KLF8: variants seen among roughly 807,000 people sequenced by gnomAD.
KLF8 encodes Krueppel-like factor 8.
Under a neutral mutation model 18.2 loss-of-function variants are expected in KLF8, and 10 were observed. The observed-to-expected ratio is 0.55, with a 90% confidence interval of 0.34 to 0.93. The LOEUF (loss-of-function observed/expected upper bound fraction) is 0.93, where lower values mean the gene tolerates loss of function less well. KLF8 is among the 40% of genes least tolerant of loss of function. The pLI is 0.02. For missense variants in KLF8, 264 were observed against 277.9 expected (o/e 0.95, Z 0.36); for synonymous variants, 109 against 97.3 (o/e 1.12, Z -0.71).
chrX:56,085,040 G>T, the KLF8 span, among the ~76,000 whole-genome samples: 16 of 111,687 alleles, frequency 1.4e-4, no homozygotes, highest in Non-Finnish European at 2.6e-4. Context: ...CCTTTATAAG[G>T]TTTTGAAATG....
the KLF8 span, among the ~76,000 whole-genome samples, chrX:56,065,346 GT>G: frequency 2.9e-4 from 32 of 110,665 alleles, no homozygotes; most frequent in Non-Finnish European, 5.3e-4. Flanking sequence ...CTGAAATTCT[GT>G]TTGATTTAGC....
the KLF8 span, among the ~76,000 whole-genome samples, chrX:56,085,425 A>G: frequency 3.6e-5 from 4 of 112,196 alleles, no homozygotes; most frequent in Admixed American, 1.9e-4. Context: ...GAGAACCAGT[A>G]GCGCCGAAGA....
chrX:56,061,299 T>C, the KLF8 span, among the ~76,000 whole-genome samples: 3 of 112,113 alleles, frequency 2.7e-5, no homozygotes, highest in South Asian at 7.4e-4. Context: ...CCTGTGGACA[T>C]TTAGTGCTAT....
chrX:56,058,135 G>A, the KLF8 span, among the ~76,000 whole-genome samples: 1 of 93,658 alleles, frequency 1.1e-5, no homozygotes, highest in African/African-American at 4.1e-5. Flanking sequence ...TCCCTCAGTG[G>A]CAACTGGGTG....
At chrX:56,108,838 C>T in the KLF8 span, among the ~76,000 whole-genome samples, 1 of 111,550 alleles carries the variant, frequency 9.0e-6, no homozygotes, top group Non-Finnish European at 1.9e-5. Flanking sequence ...GTAAAATTCC[C>T]ACTGAGCATT....
chrX:56,117,502 G>GAA, the KLF8 span, among the ~76,000 whole-genome samples: 2 of 107,211 alleles, frequency 1.9e-5, no homozygotes, highest in African/African-American at 6.8e-5. Context: ...ATCTCTGGGG[G>GAA]AAAAAAAAAC....
At chrX:56,163,301 A>G in the KLF8 span, among the ~76,000 whole-genome samples, 1 of 111,769 alleles carries the variant, frequency 8.9e-6, no homozygotes, top group African/African-American at 3.3e-5. Context: ...CTGGTGTGAC[A>G]TGGTATCTAA....
the KLF8 span, among the ~76,000 whole-genome samples, chrX:56,045,786 C>G: frequency 9.0e-6 from 1 of 111,337 alleles, no homozygotes; most frequent in Admixed American, 9.6e-5. Context: ...ATGCATTTAT[C>G]AGATCTAGGA....
At chrX:56,215,822 CAAAAAAAAAAAAAAAAAAAAAAAAAAAAA>C in the KLF8 span, among the ~76,000 whole-genome samples, 1 of 31,392 alleles carries the variant, frequency 3.2e-5, no homozygotes, top group Non-Finnish European at 4.3e-5. Flanking sequence ...GACTCTGTCT[CAAAAAAAAAAAAAAAAAAAAAAAAAAAAA>C]AAAAAAAAAA....
At chrX:56,182,480 A>T in the KLF8 span, among the ~76,000 whole-genome samples, 19 of 112,526 alleles carry the variant, frequency 1.7e-4, no homozygotes, top group East Asian at 4.2e-3. Flanking sequence ...CATCAAAGTC[A>T]TTCTCCATCC....
At chrX:55,987,690 T>A in the KLF8 span, among the ~76,000 whole-genome samples, 2 of 112,243 alleles carry the variant, frequency 1.8e-5, no homozygotes, top group African/African-American at 3.2e-5. Context: ...TAGCAGCATG[T>A]TTTATAATCC....
At chrX:56,262,384 A>G (rs2066893768) in intron 2 of KLF8, among the ~76,000 whole-genome samples, 1 of 111,955 alleles carries the variant, frequency 8.9e-6, no homozygotes, top group African/African-American at 3.2e-5. Flanking sequence ...CAGATCAAGT[A>G]TCAGCTAAAC....
chrX:56,050,125 A>AT, the KLF8 span, among the ~76,000 whole-genome samples: 187 of 109,833 alleles, frequency 1.7e-3, 1 homozygote, highest in Non-Finnish European at 3.0e-3. Context: ...CCCCTTTATC[A>AT]TTTTTTATTG....
the KLF8 span, among the ~76,000 whole-genome samples, chrX:55,940,058 G>C: frequency 4.9e-4 from 54 of 111,246 alleles, no homozygotes; most frequent in Non-Finnish European, 8.9e-4. Flanking sequence ...CCAAAGCCTG[G>C]CAGAGACACA....
At chrX:56,058,269 CATATATATACATATATATATAT>C in the KLF8 span, among the ~76,000 whole-genome samples, 4 of 15,965 alleles carry the variant, frequency 2.5e-4, 1 homozygote, top group African/African-American at 8.4e-4. Flanking sequence ...CATATATATA[CATATATATACATATATATATAT>C]ATATATATAT....
the KLF8 span, among the ~76,000 whole-genome samples, chrX:55,947,805 G>A: frequency 2.7e-5 from 3 of 111,604 alleles, no homozygotes; most frequent in Non-Finnish European, 3.8e-5. Flanking sequence ...AGATTCTTAT[G>A]TGTGTATAAG....
the KLF8 span, among the ~76,000 whole-genome samples, chrX:56,072,471 G>T: frequency 2.7e-5 from 3 of 111,415 alleles, no homozygotes; most frequent in South Asian, 1.1e-3. Context: ...AGGTAGATTA[G>T]CTCTTCAAAT....
At chrX:56,121,175 G>A in the KLF8 span, among the ~76,000 whole-genome samples, 2 of 84,247 alleles carry the variant, frequency 2.4e-5, no homozygotes, top group Non-Finnish European at 4.2e-5. Context: ...CACAGAGCGA[G>A]ACTCCGTCTC....
intron 1 of KLF8, among the ~76,000 whole-genome samples, chrX:56,249,117 C>T (rs959833428): frequency 8.9e-6 from 1 of 112,389 alleles, no homozygotes; most frequent in Non-Finnish European, 1.9e-5. Flanking sequence ...TACAGTTCCT[C>T]CATTAACCTG....
Sources: allele counts gnomAD v4.1 joint callset (sites outside exome capture counted in the v4.1 genomes callset), GRCh38; gene constraint gnomAD v4.1.1; transcripts MANE v1.5; gene names NCBI Gene and HGNC (gene_info 2026-07-23, HGNC 2026-07-21).